CA5A: variants seen among roughly 807,000 people sequenced by gnomAD.
The protein encoded by CA5A is carbonic anhydrase 5A, mitochondrial.
A neutral mutation model predicts 37.1 loss-of-function variants in CA5A; 28 were observed. The ratio of observed to expected loss-of-function variants is 0.75; its 90% confidence interval spans 0.56 to 1.03. The LOEUF (loss-of-function observed/expected upper bound fraction) is 1.03, where lower values mean the gene tolerates loss of function less well. Ranked by LOEUF, CA5A falls within the 50% of genes least tolerant of loss-of-function variation. The probability of loss-of-function intolerance (pLI) is 0.00; values close to 1 mark genes in which losing one functional copy is unlikely to be tolerated. For missense variants in CA5A, 444 were observed against 399.9 expected, an observed-to-expected ratio of 1.11 and a Z score of -0.94; for synonymous variants, 171 against 158.4, an observed-to-expected ratio of 1.08 and a Z score of -0.60.
At chr16:87,915,434 C>G (rs1423909355) in intron 2 of CA5A, among the ~76,000 whole-genome samples, 1 of 151,430 alleles carries the variant, frequency 6.6e-6, no homozygotes, top group Non-Finnish European at 1.5e-5. Context: ...ACTTGGGAGG[C>G]TAAGGTGAGA....
At chr16:87,892,556 A>AATAATAATAAT (rs1303452843) in intron 5 of CA5A, among the ~76,000 whole-genome samples, 4 of 136,788 alleles carry the variant, frequency 2.9e-5, no homozygotes, top group Admixed American at 7.2e-5. Flanking sequence ...TAATAATAAT[A>AATAATAATAAT]AATTAATTAA....
intron 2 of CA5A, among the ~76,000 whole-genome samples, chr16:87,912,045 T>TA (rs1350055070): frequency 6.6e-6 from 1 of 152,176 alleles, no homozygotes; most frequent in Admixed American, 6.5e-5. Flanking sequence ...CTCATACCTG[T>TA]AATCCCAGCA....
intron 1 of CA5A, among the ~76,000 whole-genome samples, chr16:87,935,353 C>G (rs1049356924): frequency 6.6e-6 from 1 of 152,208 alleles, no homozygotes; most frequent in African/African-American, 2.4e-5. Flanking sequence ...CTTGGCAGAG[C>G]TGGCTGAGTG....
chr16:87,925,033 C>T (rs1045660073), intron 2 of CA5A, among the ~76,000 whole-genome samples: 1 of 152,166 alleles, frequency 6.6e-6, no homozygotes, highest in African/African-American at 2.4e-5. Flanking sequence ...AGGCCTGGCG[C>T]ATAAAATATC....
intron 6 of CA5A, among the ~76,000 whole-genome samples, chr16:87,891,455 G>C (rs961411606): frequency 6.7e-6 from 1 of 149,198 alleles, no homozygotes; most frequent in South Asian, 2.1e-4. Context: ...GCGATAGAAC[G>C]AGACTCTGTC....
chr16:87,889,921 G>T (rs1393528810), intron 6 of CA5A, among the ~76,000 whole-genome samples: 1 of 152,198 alleles, frequency 6.6e-6, no homozygotes, highest in Admixed American at 6.5e-5. Flanking sequence ...CAGCATACTG[G>T]TCCAGTTAGC....
rs114096056 is a variant in CA5A at position 87,897,073 on chromosome 16, G to A, written c.618+4839C>T. ...GTGTACGACAGGCAGTGTGGTGGCGGTAATGGGCTTCCATCAGTGCCTGCC... is the reference window on the plus strand; with the variant it reads ...GTGTACGACAGGCAGTGTGGTGGCGATAATGGGCTTCCATCAGTGCCTGCC... On this transcript the variant is annotated intron_variant, in intron 5 of 6. Transcript: ENST00000649794. Among the ~76,000 whole-genome samples, 696 of 152,376 alleles carry A rather than the reference G, an allele frequency of 4.6e-3. 6 individuals are homozygous for A. The highest frequency in any genetic ancestry group is 6.8e-3 in the Middle Eastern group (2 of 294).
intron 1 of CA5A, among the ~76,000 whole-genome samples, chr16:87,932,282 A>T (rs1420174448): frequency 6.6e-6 from 1 of 152,080 alleles, no homozygotes; most frequent in Non-Finnish European, 1.5e-5. Flanking sequence ...CAGAACCCTA[A>T]AGCCACTGAT....
At chr16:87,916,167 C>CAAAAAAA (rs371241361) in intron 2 of CA5A, among the ~76,000 whole-genome samples, 2 of 109,306 alleles carry the variant, frequency 1.8e-5, no homozygotes, top group African/African-American at 7.3e-5. Context: ...GACTCCGTCT[C>CAAAAAAA]AAAAAAAAAA....
chr16:87,919,227 G>A (rs2056196893), intron 2 of CA5A, among the ~76,000 whole-genome samples: 1 of 152,232 alleles, frequency 6.6e-6, no homozygotes, highest in East Asian at 1.9e-4. Flanking sequence ...GAGGGGCCGA[G>A]GTCAGCTCGG....
In CA5A at chr16:87,921,384, C is replaced by G. The variant is rs1014839287; in HGVS notation, c.340+5364G>C. ...TTGGCTTGGGCCTTGATTTCTCCCCCTCTTGGCTTTGCCCTCCCGTGTGGG... is the reference window on the plus strand; with the variant it reads ...TTGGCTTGGGCCTTGATTTCTCCCCGTCTTGGCTTTGCCCTCCCGTGTGGG... On this transcript the variant is annotated intron_variant, in intron 2 of 6. Transcript: ENST00000649794. Among the ~76,000 whole-genome samples, 41 of 152,372 alleles carry G rather than the reference C, an allele frequency of 2.7e-4. 1 individual carries two copies. The highest frequency in any genetic ancestry group is 8.2e-4 in the African/African-American group (34 of 41,590).
intron 5 of CA5A, among the ~76,000 whole-genome samples, chr16:87,899,820 T>C (rs986871774): frequency 6.9e-6 from 1 of 144,150 alleles, no homozygotes; most frequent in East Asian, 2.1e-4. Context: ...CTCATGAGGT[T>C]GAGGCAGGAG....
chr16:87,926,410 C>T lies in CA5A; in HGVS notation c.340+338G>A, dbSNP rs981203905. ...GCTGCCTTCTGAGTTCCTCTTCCGA[C>T]GCGCAAAGTGTTCGCATTTCAATGA... On this transcript the variant is annotated intron_variant, in intron 2 of 6. Coordinates refer to ENST00000649794, the MANE Select transcript of CA5A (RefSeq NM_001739.2). Among the ~76,000 whole-genome samples the T allele has an allele frequency of 1.1e-4, 17 of 152,184 alleles. 1 individual carries two copies. Among genetic ancestry groups the T allele is most frequent in the Admixed American group, 3.3e-4 (5 of 15,276 alleles).
chr16:87,902,962 C>T (rs1215009221), intron 3 of CA5A, among the ~76,000 whole-genome samples: 2 of 151,760 alleles, frequency 1.3e-5, no homozygotes, highest in African/African-American at 4.8e-5. Context: ...GAGTAAGATC[C>T]CAGCACCAGC....
At chr16:87,898,806 C>A (rs934598623) in intron 5 of CA5A, among the ~76,000 whole-genome samples, 3 of 149,006 alleles carry the variant, frequency 2.0e-5, no homozygotes, top group African/African-American at 7.5e-5. Flanking sequence ...ACGATCTCGG[C>A]TCACTGCAAC....
intron 5 of CA5A, 23 bp downstream of exon 5, chr16:87,901,889 C>G: frequency 6.2e-6 from 10 of 1,607,710 alleles, no homozygotes; most frequent in Non-Finnish European, 8.5e-6. Flanking sequence ...GCCCGGCCTG[C>G]TGATTTCAAA....
intron 6 of CA5A, among the ~76,000 whole-genome samples, chr16:87,890,509 G>A (rs557310179): frequency 2.0e-5 from 3 of 152,324 alleles, no homozygotes; most frequent in South Asian, 4.1e-4. Flanking sequence ...CCGGGCGGGG[G>A]CGGGGCATAG....
chr16:87,890,042 G>A (rs1359150995), intron 6 of CA5A, among the ~76,000 whole-genome samples: 1 of 152,330 alleles, frequency 6.6e-6, no homozygotes, highest in East Asian at 1.9e-4. Context: ...TTTGTTGACT[G>A]TGCAGCCTTT....
intron 2 of CA5A, among the ~76,000 whole-genome samples, chr16:87,923,196 C>T (rs2056253966): frequency 6.6e-6 from 1 of 152,114 alleles, no homozygotes; most frequent in Non-Finnish European, 1.5e-5. Flanking sequence ...GATGGCAGCG[C>T]TTTTTTTCCC....
Sources: gnomAD v4.1 joint callset for allele counts (sites outside exome capture counted in the v4.1 genomes callset) on GRCh38, gnomAD v4.1.1 for gene constraint, MANE v1.5 for transcripts, NCBI Gene and HGNC (gene_info 2026-07-23, HGNC 2026-07-21) for gene names.